The following ROR1 variants were observed in gnomAD, a reference collection of about 807,000 sequenced individuals.
ROR1 encodes inactive tyrosine-protein kinase transmembrane receptor ROR1.
ROR1 carries 19 observed loss-of-function variants against 78.8 expected under a neutral mutation model. The observed-to-expected ratio is 0.24, with a 90% confidence interval of 0.17 to 0.35. ROR1 has a LOEUF of 0.35. ROR1 is among the 10% of genes least tolerant of loss of function. ROR1 has a pLI of 1.00. For missense variants in ROR1, 917 were observed against 1,177.8 expected (o/e 0.78, Z 3.24); for synonymous variants, 386 against 433.6 (o/e 0.89, Z 1.36).
intron 1 of ROR1, among the ~76,000 whole-genome samples, chr1:63,971,979 G>A (rs949951686): frequency 4.6e-5 from 7 of 152,222 alleles, no homozygotes; most frequent in African/African-American, 7.2e-5. Flanking sequence ...ACTGTATACC[G>A]TTCCACACTT....
intron 2 of ROR1, among the ~76,000 whole-genome samples, chr1:64,025,165 T>C (rs1297659907): frequency 6.6e-6 from 1 of 152,170 alleles, no homozygotes; most frequent in Non-Finnish European, 1.5e-5. Context: ...TGAGCAATAT[T>C]TCCACCCCTA....
chr1:64,110,461 AGGACAGGCAGCT>A (rs1648046881), intron 4 of ROR1, among the ~76,000 whole-genome samples: 1 of 152,126 alleles, frequency 6.6e-6, no homozygotes, highest in Non-Finnish European at 1.5e-5. Flanking sequence ...TTGAACCCTG[AGGACAGGCAGCT>A]GGTAAGTATC....
intron 7 of ROR1, among the ~76,000 whole-genome samples, chr1:64,143,784 G>A (rs1180012299): frequency 1.3e-5 from 2 of 152,150 alleles, no homozygotes; most frequent in East Asian, 1.9e-4. Context: ...AGAAGATTAG[G>A]TCGGGAAAGT....
chr1:63,882,667 T>C (rs662437), intron 1 of ROR1, among the ~76,000 whole-genome samples: 141,496 of 152,234 alleles, frequency 0.93, 65,830 homozygotes, highest in East Asian at 1. Flanking sequence ...TGACAAGAGT[T>C]AGATTTTGGT....
chr1:64,024,216 C>T (rs537386334), intron 2 of ROR1, among the ~76,000 whole-genome samples: 1 of 152,284 alleles, frequency 6.6e-6, no homozygotes, highest in African/African-American at 2.4e-5. Context: ...CGCAGTGGCT[C>T]ATGCCTGTAA....
intron 4 of ROR1, among the ~76,000 whole-genome samples, chr1:64,084,426 A>G (rs1380786949): frequency 1.3e-5 from 2 of 152,224 alleles, no homozygotes; most frequent in Non-Finnish European, 2.9e-5. Context: ...CAAGTCTGTA[A>G]GCTCTTAAGT....
At chr1:64,002,310 T>C (rs1456696296) in intron 1 of ROR1, among the ~76,000 whole-genome samples, 2 of 152,044 alleles carry the variant, frequency 1.3e-5, no homozygotes, top group African/African-American at 4.8e-5. Context: ...ATTTTTGTAT[T>C]TTCAGTAGAG....
chr1:64,110,230 T>A (rs368989921), intron 4 of ROR1, among the ~76,000 whole-genome samples: 2 of 152,334 alleles, frequency 1.3e-5, no homozygotes, highest in East Asian at 3.9e-4. Context: ...CTCCTATGCC[T>A]ATTCTAAAAT....
chr1:63,921,041 A>C (rs1645650573), intron 1 of ROR1, among the ~76,000 whole-genome samples: 1 of 152,212 alleles, frequency 6.6e-6, no homozygotes, highest in South Asian at 2.1e-4. Context: ...AACGGACTAA[A>C]TTATTAAATA....
intron 1 of ROR1, among the ~76,000 whole-genome samples, chr1:63,824,793 C>T (rs538765916): frequency 6.6e-6 from 1 of 152,266 alleles, no homozygotes; most frequent in South Asian, 2.1e-4. Context: ...AGAAAAAACG[C>T]TTTCCTATCC....
chr1:64,117,918 G>A (rs562990790), intron 4 of ROR1, among the ~76,000 whole-genome samples: 1 of 152,348 alleles, frequency 6.6e-6, no homozygotes, highest in East Asian at 1.9e-4. Flanking sequence ...ATTAAAACAG[G>A]GACTGGGTAC....
chr1:63,799,732 G>A (rs1275737062), intron 1 of ROR1, among the ~76,000 whole-genome samples: 1 of 151,896 alleles, frequency 6.6e-6, no homozygotes, highest in Admixed American at 6.6e-5. Flanking sequence ...GTGAGGTCTG[G>A]GTGAGGAGGA....
At chr1:64,061,584 C>CTGCAA (rs1207189321) in intron 4 of ROR1, among the ~76,000 whole-genome samples, 1 of 152,202 alleles carries the variant, frequency 6.6e-6, no homozygotes, top group African/African-American at 2.4e-5. Context: ...GGGCCTGGGA[C>CTGCAA]TGCATTTCTT....
chr1:63,977,355 A>G (rs1281994554), intron 1 of ROR1, among the ~76,000 whole-genome samples: 1 of 152,180 alleles, frequency 6.6e-6, no homozygotes, highest in African/African-American at 2.4e-5. Context: ...GACCTATCAC[A>G]TGAAGTCGGG....
At chr1:63,921,672 T>G (rs1317957205) in intron 1 of ROR1, among the ~76,000 whole-genome samples, 7 of 3,332 alleles carry the variant, frequency 2.1e-3, no homozygotes, top group East Asian at 6.4e-3. Flanking sequence ...GCAGAGAGAG[T>G]GGGGTGGGGC....
chr1:63,940,396 G>A (rs917195161), intron 1 of ROR1, among the ~76,000 whole-genome samples: 4 of 152,120 alleles, frequency 2.6e-5, no homozygotes, highest in Admixed American at 2.6e-4. Flanking sequence ...GATAAGGACA[G>A]CAATGGATTA....
At chr1:63,930,206 C>T (rs1645740374) in intron 1 of ROR1, among the ~76,000 whole-genome samples, 1 of 152,012 alleles carries the variant, frequency 6.6e-6, no homozygotes, top group Non-Finnish European at 1.5e-5. Context: ...CTCTCTCTTA[C>T]TTTAAAGGCA....
At chr1:63,973,477 C>G (rs1265493666) in intron 1 of ROR1, among the ~76,000 whole-genome samples, 2 of 152,156 alleles carry the variant, frequency 1.3e-5, no homozygotes, top group South Asian at 2.1e-4. Context: ...AAAACAGAAT[C>G]CGTGACAATC....
rs1208813882 is a variant in ROR1, at chr1:64,014,740, CTATATATATATATA to C, written c.163+5385_163+5398del. Among the ~76,000 whole-genome samples, 16 of 29,048 alleles carry C rather than the reference CTATATATATATATA, an allele frequency of 5.5e-4. 2 individuals carry two copies. The highest frequency in any genetic ancestry group is 6.9e-3 in the East Asian group (1 of 144). The allele number at this position is 29,048 out of a possible 152,430, so 19.1% of individuals were successfully genotyped here. On this transcript the variant is annotated intron_variant, in intron 2 of 8. Coordinates refer to ENST00000371079, the MANE Select transcript of ROR1 (RefSeq NM_005012.4). ...ATATATATATATACACATACGCACACTATATATATATATATATATATATATATATATATACACAT... is the reference window on the plus strand; with the variant it reads ...ATATATATATATACACATACGCACACTATATATATATATATATATACACAT...
Sources: allele counts gnomAD v4.1 joint callset (sites outside exome capture counted in the v4.1 genomes callset), GRCh38; gene constraint gnomAD v4.1.1; transcripts MANE v1.5; gene names NCBI Gene and HGNC (gene_info 2026-07-23, HGNC 2026-07-21).